Variants in BLZF1 observed in about 807,000 individuals in gnomAD.
BLZF1 encodes basic leucine zipper nuclear factor 1, also known as golgin-45.
A neutral mutation model predicts 43.8 loss-of-function variants in BLZF1; 39 were observed. That is an observed-to-expected ratio of 0.89 (90% CI 0.69 to 1.16). The LOEUF (loss-of-function observed/expected upper bound fraction) is 1.16, where lower values mean the gene tolerates loss of function less well. Among genes scored for constraint, BLZF1 ranks in the 50% most tolerant of loss-of-function variants. BLZF1 has a pLI of 0.00. For missense variants in BLZF1, 449 were observed against 469.8 expected (o/e 0.96, Z 0.41); for synonymous variants, 136 against 159.4 (o/e 0.85, Z 1.11).
chr1:169,396,471 A>C (rs1655042372), exon 8 of BLZF1: 2 of 152,078 alleles, frequency 1.3e-5, no homozygotes, highest in African/African-American at 4.8e-5. Flanking sequence ...TGGGAAAATC[A>C]CTTGAACCTG....
At chr1:169,382,981 A>G (rs892005031) in intron 6 of BLZF1, among the ~76,000 whole-genome samples, 6 of 151,840 alleles carry the variant, frequency 4.0e-5, no homozygotes, top group African/African-American at 1.5e-4. Flanking sequence ...TGGTCCCTAT[A>G]TTTTTTTATG....
intron 2 of BLZF1, 128 bp from the exon 3 acceptor site, chr1:169,376,412 T>G: frequency 2.5e-6 from 2 of 791,756 alleles, no homozygotes; most frequent in Non-Finnish European, 3.8e-6. Flanking sequence ...GAAAATTACT[T>G]TTTCTCTGAT....
At chr1:169,392,369 G>A (rs1310433896), downstream of BLZF1, among the ~76,000 whole-genome samples, 5 of 152,098 alleles carry the variant, frequency 3.3e-5, no homozygotes, top group African/African-American at 9.7e-5. Context: ...CTAAACAGTG[G>A]GCTGTTGGCA....
At position 169,380,558 on chromosome 1, in the gene BLZF1, A is replaced by T; in HGVS notation, c.746A>T (p.Asp249Val). Residue 249 changes from aspartate (D) to valine (V), a missense_variant, in exon 5 of 7, where the codon GAT becomes GTT. Transcript: ENST00000367808. ...CGTGATGCACACGGGGCTATACAAG[A>T]TCTCCTAAGTGAACGGGAACAGTTT... Reference protein sequence around the residue: ...QNRDAHGAIQDLLSEREQFRQ... With the variant: ...QNRDAHGAIQVLLSEREQFRQ... 1 of 1,612,968 alleles carries T rather than the reference A, an allele frequency of 6.2e-7. No individual in the cohort carries two copies. Among genetic ancestry groups the T allele is most frequent in the Non-Finnish European group, 8.5e-7 (1 of 1,179,184 alleles).
chr1:169,378,439 C>G lies in BLZF1; in HGVS notation c.578C>G (p.Ala193Gly). The change falls in exon 4 of 7, where the codon GCC becomes GGC. Residue 193 changes from alanine to glycine, a missense_variant. Transcript: ENST00000367808. ...AATCAGCTTATTTTAGAAAATGAAGCCCTAGGTCGAAACACAGCTCAGCTT... is the reference window on the plus strand; with the variant it reads ...AATCAGCTTATTTTAGAAAATGAAGGCCTAGGTCGAAACACAGCTCAGCTT... ...EKNQLILENEALGRNTAQLSE... is the reference protein window; with the variant it reads ...EKNQLILENEGLGRNTAQLSE... The G allele has an allele frequency of 6.2e-7, 1 of 1,612,902 alleles. No individual in the cohort carries two copies. The highest frequency in any genetic ancestry group is 8.5e-7 in the Non-Finnish European group (1 of 1,179,160).
intron 4 of BLZF1, among the ~76,000 whole-genome samples, chr1:169,378,942 C>A (rs573007803): frequency 1.5e-3 from 228 of 151,982 alleles, no homozygotes; most frequent in Non-Finnish European, 2.3e-3. Context: ...AGCTTCCCAA[C>A]GTTTTTCTCT....
At chr1:169,377,701 T>C (rs893569883) in intron 3 of BLZF1, among the ~76,000 whole-genome samples, 2 of 152,180 alleles carry the variant, frequency 1.3e-5, no homozygotes, top group East Asian at 3.9e-4. Flanking sequence ...ACCATATACA[T>C]TGAGTTCATT....
In BLZF1 at chr1:169,369,440, T is replaced by G. The variant is rs962497954; in HGVS notation, c.-50-33T>G. 6 of 1,190,908 alleles carry G rather than the reference T, an allele frequency of 5.0e-6. No individual in the cohort carries two copies. The African/African-American group carries it at 9.4e-5, about 19-fold the overall frequency. The allele number at this position is 1,190,908 out of a possible 1,614,324, so 73.8% of individuals were successfully genotyped here. ...GGTACTCTATGTGTTTATATGATAT[T>G]TTTAAAATTATTTCATATGCATACA... On this transcript the variant is annotated intron_variant, in intron 1 of 6. Transcript: ENST00000367808.
chr1:169,382,357 C>T, intron 6 of BLZF1, 76 bp downstream of exon 6: 8 of 1,329,384 alleles, frequency 6.0e-6, no homozygotes, highest in Middle Eastern at 1.9e-4. Context: ...TCATGGAAAG[C>T]ATTTGGCATT....
rs1261293320 is a variant in BLZF1, at chr1:169,376,880, C to A, written c.369C>A (p.Leu123=). 6.2e-7 allele frequency: 1 copy of A among 1,613,142 alleles called. No homozygotes were observed. Among genetic ancestry groups the A allele is most frequent in the Non-Finnish European group, 8.5e-7 (1 of 1,179,464 alleles). The stretch of plus-strand genomic sequence containing the variant: ...GAGTTATAGAACCTAATAAGGAACT[C>A]TCAGAGGTAAAGAATGTATTGGAAA... The part of the protein sequence containing the change: ...SEGVIEPNKE[L]SEVKNVLEKL... The change falls in exon 3 of 7, where the codon CTC becomes CTA. Residue 123 remains leucine, a synonymous_variant. Coordinates refer to ENST00000367808, the MANE Select transcript of BLZF1 (RefSeq NM_001320973.2).
Position 169,387,298 on chromosome 1 carries a change from G to A in BLZF1, c.*116G>A. 1.1e-6 allele frequency: 1 copy of A among 875,100 alleles called. No homozygotes were observed. The highest frequency in any genetic ancestry group is 1.7e-6 in the Non-Finnish European group (1 of 576,850). The allele number at this position is 875,100 out of a possible 1,614,324, so 54.2% of individuals were successfully genotyped here. The stretch of plus-strand genomic sequence containing the variant: ...TAATATCACTTCCTATTTACATAAT[G>A]TATACACCCAAAGATATTTTATGTA... On this transcript the variant is annotated 3_prime_UTR_variant, in exon 7 of 7. Coordinates refer to ENST00000367808, the MANE Select transcript of BLZF1 (RefSeq NM_001320973.2).
At chr1:169,391,092 C>CA (rs1303637737), downstream of BLZF1, among the ~76,000 whole-genome samples, 1 of 152,090 alleles carries the variant, frequency 6.6e-6, no homozygotes, top group African/African-American at 2.4e-5. Flanking sequence ...AAATTTTGGA[C>CA]AACACAAGGG....
intron 4 of BLZF1, among the ~76,000 whole-genome samples, chr1:169,380,126 TTTTG>T (rs1654480059): frequency 6.6e-6 from 1 of 151,870 alleles, no homozygotes; most frequent in African/African-American, 2.4e-5. Flanking sequence ...GATAATTTAG[TTTTG>T]TTTGTCTCTT....
intron 2 of BLZF1, among the ~76,000 whole-genome samples, chr1:169,370,454 G>A (rs900812269): frequency 1.3e-5 from 2 of 152,116 alleles, no homozygotes; most frequent in African/African-American, 2.4e-5. Flanking sequence ...TTTGAGATAC[G>A]TTCTTTTGAT....
rs1290013869 is a variant in BLZF1 at position 169,370,676 on chromosome 1, C to T, written c.28+1126C>T. ...TTGAAGAAAATTCTGTTGGACAGCC[C>T]TGCTGTAGCTGTATCTTCTCTCTTT... On this transcript the variant is annotated intron_variant, in intron 2 of 6. Coordinates refer to ENST00000367808, the MANE Select transcript of BLZF1 (RefSeq NM_001320973.2). Among the ~76,000 whole-genome samples the T allele has an allele frequency of 2.0e-5, 3 of 152,208 alleles. No homozygotes were observed. In the East Asian group the frequency reaches 5.8e-4, roughly 29 times the overall value.
intron 6 of BLZF1, among the ~76,000 whole-genome samples, chr1:169,382,757 T>C (rs1420759844): frequency 6.6e-6 from 1 of 152,210 alleles, no homozygotes; most frequent in Non-Finnish European, 1.5e-5. Flanking sequence ...CTCACATGTC[T>C]GTGACAACAA....
intron 7 of BLZF1, among the ~76,000 whole-genome samples, chr1:169,393,704 C>T (rs1354769858): frequency 2.0e-5 from 3 of 151,782 alleles, no homozygotes; most frequent in Non-Finnish European, 2.9e-5. Flanking sequence ...GGGGTTCAAG[C>T]GATTCTCATG....
At chr1:169,382,347 T>G in intron 6 of BLZF1, 66 bp downstream of exon 6, 11 of 1,427,938 alleles carry the variant, frequency 7.7e-6, no homozygotes, top group Non-Finnish European at 1.1e-5. Context: ...AGGTGACATA[T>G]CATGGAAAGC....
At chr1:169,376,388 C>T (rs1382525823) in intron 2 of BLZF1, 152 bp from the exon 3 acceptor site, 5 of 617,400 alleles carry the variant, frequency 8.1e-6, no homozygotes, top group Non-Finnish European at 1.1e-5. Context: ...CTTTTGTTGA[C>T]ACATGATTGT....
Sources: allele counts gnomAD v4.1 joint callset (sites outside exome capture counted in the v4.1 genomes callset), GRCh38; gene constraint gnomAD v4.1.1; transcripts MANE v1.5; gene names NCBI Gene and HGNC (gene_info 2026-07-23, HGNC 2026-07-21).